Variants in ZNF766 observed in about 807,000 individuals in gnomAD.
The protein encoded by ZNF766 is zinc finger protein 766.
Under a neutral mutation model 13.2 loss-of-function variants are expected in ZNF766, and 13 were observed. The ratio of observed to expected loss-of-function variants is 0.98; its 90% CI spans 0.64 to 1.56. The LOEUF is 1.56. Among genes scored for constraint, ZNF766 ranks in the 40% most tolerant of loss-of-function variants. ZNF766 has a pLI of 0.00. For synonymous variants in ZNF766, 178 were observed against 187.6 expected (o/e 0.95, Z 0.42); for missense variants, 521 against 552.2 (o/e 0.94, Z 0.57).
At chr19:52,275,016 TAAG>T (rs1272512585) in intron 1 of ZNF766, among the ~76,000 whole-genome samples, 1 of 152,162 alleles carries the variant, frequency 6.6e-6, no homozygotes, top group Non-Finnish European at 1.5e-5. Flanking sequence ...TATCCGCTCA[TAAG>T]AACATTTAGG....
At chr19:52,281,988 G>T (rs1412645190) in intron 1 of ZNF766, 123 bp from the exon 2 acceptor site, 1 of 1,159,296 alleles carries the variant, frequency 8.6e-7, no homozygotes, top group East Asian at 2.7e-5. Context: ...ACCTTAATGT[G>T]GATATGTCAG....
At chr19:52,277,673 C>T in intron 1 of ZNF766, 1 of 971,376 alleles carries the variant, frequency 1.0e-6, no homozygotes. Context: ...CCATGCCTTC[C>T]TTCAGTCCCT....
chr19:52,283,206 T>A, intron 2 of ZNF766, 79 bp from the exon 3 acceptor site: 1 of 1,514,008 alleles, frequency 6.6e-7, no homozygotes, highest in South Asian at 1.3e-5. Flanking sequence ...TAATTTTTAA[T>A]ATCATCTCTG....
rs1367745975 is a variant in ZNF766 at position 52,295,166 on chromosome 19, A to T, written c.*3968A>T. 8 of 150,324 alleles carry T rather than the reference A, an allele frequency of 5.3e-5. No individual in the cohort carries two copies. The highest frequency in any genetic ancestry group is 1.7e-4 in the African/African-American group (7 of 40,884). 9.3% of individuals were successfully genotyped at this position (150,324 alleles called of 1,614,324 possible). A position where few individuals can be genotyped will look rare whatever the true frequency, so the allele number is the denominator to read the frequency against. On this transcript the variant is annotated 3_prime_UTR_variant, in exon 4 of 4. Transcript: ENST00000439461. ...ACTTTTTTCTTTTTCTGTACATTGC[A>T]TCCAGATGCTATGCTTGTTTGTTTT...
intron 3 of ZNF766, among the ~76,000 whole-genome samples, chr19:52,285,412 T>C (rs1981766084): frequency 6.6e-6 from 1 of 152,228 alleles, no homozygotes; most frequent in Admixed American, 6.5e-5. Context: ...TCCAAACTTC[T>C]GACCAACTGG....
intron 1 of ZNF766, among the ~76,000 whole-genome samples, chr19:52,275,286 A>G (rs1600194834): frequency 6.6e-6 from 1 of 152,220 alleles, no homozygotes; most frequent in Admixed American, 6.5e-5. Context: ...TTAAAAAAAA[A>G]TTAAAAACAA....
chr19:52,285,964 CAG>C (rs1445554193), intron 3 of ZNF766, among the ~76,000 whole-genome samples: 2 of 152,112 alleles, frequency 1.3e-5, no homozygotes, highest in African/African-American at 2.4e-5. Context: ...TAACACCACA[CAG>C]AGGAGCCTGG....
chr19:52,279,140 C>G (rs896087358), intron 1 of ZNF766, among the ~76,000 whole-genome samples: 5 of 152,132 alleles, frequency 3.3e-5, no homozygotes, highest in Non-Finnish European at 7.3e-5. Context: ...AGTCTTTTCC[C>G]CATTGCTTGT....
At position 52,290,646 on chromosome 19, in the gene ZNF766, C is replaced by T; in HGVS notation, c.855C>T (p.Tyr285=). The change falls in exon 4 of 4, where the codon TAC becomes TAT. Residue 285 remains tyrosine (Y), a synonymous_variant. Transcript: ENST00000439461. ...ECGKVFSRIT[Y]LVRHQKIHTR... ...GCAAGGTCTTCAGTCGAATTACATA[C>T]CTTGTACGACATCAGAAAATTCATA... 6.2e-7 allele frequency: 1 copy of T among 1,613,752 alleles called. No homozygotes were observed. The highest frequency in any genetic ancestry group is 8.5e-7 in the Non-Finnish European group (1 of 1,179,858).
intron 3 of ZNF766, among the ~76,000 whole-genome samples, chr19:52,286,575 G>A (rs953978746): frequency 6.7e-5 from 10 of 148,410 alleles, no homozygotes; most frequent in African/African-American, 2.3e-4. Flanking sequence ...CGTGCCTGGC[G>A]AGTGTTTTTA....
Position 52,288,660 on chromosome 19 carries a change from C to T in ZNF766, c.275-1406C>T, listed in dbSNP as rs1001804605. On this transcript the variant is annotated intron_variant, in intron 3 of 3. Coordinates refer to ENST00000439461, the MANE Select transcript of ZNF766 (RefSeq NM_001010851.3). ...CCTCCCACCTCAGCCTCCCAAAGTG[C>T]TGCGATTATAGGTGTGAGCCACCAC... 4.7e-5 allele frequency among the ~76,000 whole-genome samples: 7 copies of T among 149,298 alleles called. No individual in the cohort carries two copies. In the East Asian group the frequency reaches 5.8e-4, roughly 12 times the overall value.
chr19:52,271,987 A>AAG (rs1980999065), intron 1 of ZNF766, among the ~76,000 whole-genome samples: 1 of 151,064 alleles, frequency 6.6e-6, no homozygotes, highest in African/African-American at 2.4e-5. Flanking sequence ...TCTCAAAAAA[A>AAG]AAAAAAAAAA....
intron 1 of ZNF766, among the ~76,000 whole-genome samples, chr19:52,274,925 A>G (rs557122227): frequency 6.6e-6 from 1 of 152,354 alleles, no homozygotes; most frequent in African/African-American, 2.4e-5. Flanking sequence ...GCAGACCTTG[A>G]CAAGCTCCTT....
intron 3 of ZNF766, among the ~76,000 whole-genome samples, chr19:52,289,448 G>A (rs1982000831): frequency 6.6e-6 from 1 of 152,066 alleles, no homozygotes; most frequent in Admixed American, 6.6e-5. Context: ...CCTGGCCTAT[G>A]CAGCTGCTCA....
intron 1 of ZNF766, chr19:52,275,676 CTTTTTTTTTTTT>C (rs201395857): frequency 7.3e-6 from 1 of 136,364 alleles, no homozygotes; most frequent in South Asian, 2.3e-4. Flanking sequence ...TTTTTTCTTT[CTTTTTTTTTTTT>C]TTTTTGAGAC....
chr19:52,269,861 A>G (rs1416268760), intron 1 of ZNF766, among the ~76,000 whole-genome samples: 1 of 152,172 alleles, frequency 6.6e-6, no homozygotes, highest in Non-Finnish European at 1.5e-5. Flanking sequence ...TTTCCTGCTT[A>G]AAACCCTTCA....
Position 52,290,948 on chromosome 19 carries a change from A to G in ZNF766, c.1157A>G (p.His386Arg), listed in dbSNP as rs774399263. The change falls in exon 4 of 4, where the codon CAT becomes CGT. Residue 386 changes from histidine (H) to arginine (R), a missense_variant. By Grantham distance (29) the His-to-Arg change is conservative. Coordinates refer to ENST00000439461, the MANE Select transcript of ZNF766 (RefSeq NM_001010851.3). Reference sequence around the variant, plus strand: ...AATGGAGAGAAACCTTATAAATGTCATGAATGTGGCAAAGTCTTCACTCAA... The same window carrying G: ...AATGGAGAGAAACCTTATAAATGTCGTGAATGTGGCAAAGTCTTCACTCAA... ...NHNGEKPYKC[H>R]ECGKVFTQVS... 3.1e-6 allele frequency: 5 copies of G among 1,614,076 alleles called. No homozygotes were observed. Among genetic ancestry groups the G allele is most frequent in the Non-Finnish European group, 2.5e-6 (3 of 1,180,044 alleles).
chr19:52,277,703 A>G (rs898189670), intron 1 of ZNF766, among the ~76,000 whole-genome samples: 5 of 151,908 alleles, frequency 3.3e-5, no homozygotes, highest in Non-Finnish European at 7.4e-5. Flanking sequence ...CTTAGATTCC[A>G]TCTCTTGTGA....
rs1568624667 is a variant in ZNF766, at chr19:52,292,230, C to T, written c.*1032C>T. The stretch of plus-strand genomic sequence containing the variant: ...ATGAGGAGCGTTTCTATCCAGTTTC[C>T]TGGAGGAATAAGGACACTGCCTTTT... On this transcript the variant is annotated 3_prime_UTR_variant, in exon 4 of 4. Coordinates refer to ENST00000439461, the MANE Select transcript of ZNF766 (RefSeq NM_001010851.3). 2 of 700,754 alleles carry T rather than the reference C, an allele frequency of 2.9e-6. No homozygotes were observed. The highest frequency in any genetic ancestry group is 2.6e-6 in the Non-Finnish European group (1 of 384,296). 43.4% of individuals were successfully genotyped at this position (700,754 alleles called of 1,614,324 possible). A position where few individuals can be genotyped will look rare whatever the true frequency, so the allele number is the denominator to read the frequency against.
Sources: gnomAD v4.1 joint callset for allele counts (sites outside exome capture counted in the v4.1 genomes callset) on GRCh38, gnomAD v4.1.1 for gene constraint, MANE v1.5 for transcripts, NCBI Gene and HGNC (gene_info 2026-07-23, HGNC 2026-07-21) for gene names.